The following FSTL5 variants were observed in gnomAD, a reference collection of about 807,000 sequenced individuals.
FSTL5 encodes the protein follistatin-related protein 5.
A neutral mutation model predicts 89.1 loss-of-function variants in FSTL5; 62 were observed. The observed-to-expected ratio is 0.70, with a 90% CI of 0.57 to 0.86. The LOEUF (loss-of-function observed/expected upper bound fraction) is 0.86. Ranked by LOEUF, FSTL5 falls within the 40% of genes least tolerant of loss-of-function variation. The probability of loss-of-function intolerance (pLI) is 0.00; values close to 1 mark genes in which losing one functional copy is unlikely to be tolerated. For missense variants in FSTL5, 1,057 were observed against 1,001.6 expected (o/e 1.06, Z -0.75); for synonymous variants, 383 against 346.2 (o/e 1.11, Z -1.18).
intron 3 of FSTL5, among the ~76,000 whole-genome samples, chr4:161,922,066 T>C (rs957014840): frequency 2.0e-5 from 3 of 152,032 alleles, no homozygotes; most frequent in Non-Finnish European, 4.4e-5. Context: ...ATTAGCAAAA[T>C]TAAAATTACA....
At chr4:162,141,916 A>G (rs7376042) in intron 1 of FSTL5, among the ~76,000 whole-genome samples, 1 of 116,438 alleles carries the variant, frequency 8.6e-6, no homozygotes, top group Non-Finnish European at 2.0e-5. Context: ...CAGGTAGAAA[A>G]AAGTGTACAC....
At chr4:161,850,521 G>T (rs901334361) in intron 4 of FSTL5, among the ~76,000 whole-genome samples, 1 of 152,062 alleles carries the variant, frequency 6.6e-6, no homozygotes, top group Non-Finnish European at 1.5e-5. Flanking sequence ...GGGCAAAGAG[G>T]GTGGGTTAGC....
intron 8 of FSTL5, among the ~76,000 whole-genome samples, chr4:161,579,874 T>C (rs1733372888): frequency 6.6e-6 from 1 of 152,148 alleles, no homozygotes; most frequent in African/African-American, 2.4e-5. Context: ...AAGGACTTCT[T>C]TCCCTGAAAG....
At chr4:162,072,126 G>A (rs982942012) in intron 2 of FSTL5, among the ~76,000 whole-genome samples, 3 of 151,614 alleles carry the variant, frequency 2.0e-5, no homozygotes, top group African/African-American at 7.3e-5. Context: ...AAATCAAATG[G>A]CAGGCATATA....
At position 161,585,292 on chromosome 4, in the gene FSTL5, G is replaced by T. The variant is rs1286019468; in HGVS notation, c.1015+2163C>A. On this transcript the variant is annotated intron_variant, in intron 8 of 15. Coordinates refer to ENST00000306100, the MANE Select transcript of FSTL5 (RefSeq NM_020116.5). ...AATGAAGAGCAGCAGCTCCTGAAGA[G>T]CAGCCGTTTAGAATAGTTGTCACAC... is the stretch of plus-strand genomic sequence containing the variant. Among the ~76,000 whole-genome samples, 3 of 152,166 alleles carry T rather than the reference G, an allele frequency of 2.0e-5. No homozygotes were observed. The East Asian group carries it at 5.8e-4, about 29-fold the overall frequency.
intron 15 of FSTL5, among the ~76,000 whole-genome samples, chr4:161,397,944 T>C (rs1483305417): frequency 6.6e-6 from 1 of 151,906 alleles, no homozygotes; most frequent in East Asian, 1.9e-4. Context: ...GTAAATTAAA[T>C]CCCTAAAAAG....
intron 3 of FSTL5, among the ~76,000 whole-genome samples, chr4:161,976,761 G>A (rs1017470535): frequency 1.3e-5 from 2 of 152,096 alleles, no homozygotes; most frequent in Non-Finnish European, 2.9e-5. Context: ...GATTACAGGC[G>A]TGAGCCATCG....
At chr4:161,506,520 C>T (rs1221437679) in intron 11 of FSTL5, among the ~76,000 whole-genome samples, 1 of 151,900 alleles carries the variant, frequency 6.6e-6, no homozygotes, top group Admixed American at 6.6e-5. Context: ...TTGGTTGAAC[C>T]CATCTCCTGA....
intron 3 of FSTL5, among the ~76,000 whole-genome samples, chr4:161,925,321 A>T (rs1485824856): frequency 6.6e-6 from 1 of 151,960 alleles, no homozygotes; most frequent in Non-Finnish European, 1.5e-5. Flanking sequence ...TTTGACTTTG[A>T]CTTTCTAAAT....
chr4:161,463,319 A>T (rs1733642107), intron 13 of FSTL5, among the ~76,000 whole-genome samples: 1 of 152,208 alleles, frequency 6.6e-6, no homozygotes, highest in Admixed American at 6.5e-5. Flanking sequence ...ACTGAAAAAG[A>T]TATGCAGATC....
At chr4:161,880,802 A>T (rs1337756915) in intron 4 of FSTL5, among the ~76,000 whole-genome samples, 2 of 152,162 alleles carry the variant, frequency 1.3e-5, no homozygotes, top group Non-Finnish European at 2.9e-5. Flanking sequence ...AAATGGCCCC[A>T]TACTGTAGGA....
At chr4:162,152,996 T>C (rs942916463) in intron 1 of FSTL5, among the ~76,000 whole-genome samples, 1 of 152,160 alleles carries the variant, frequency 6.6e-6, no homozygotes, top group Admixed American at 6.5e-5. Flanking sequence ...TTCCGGTTTT[T>C]GCCAACAATT....
chr4:161,886,739 AG>A (rs1307602132), intron 4 of FSTL5, among the ~76,000 whole-genome samples: 3 of 152,190 alleles, frequency 2.0e-5, no homozygotes, highest in Non-Finnish European at 4.4e-5. Context: ...AAGGTCCACC[AG>A]GTTTGTAATA....
intron 15 of FSTL5, chr4:161,386,779 A>G: frequency 5.0e-6 from 1 of 201,916 alleles, no homozygotes; most frequent in Non-Finnish European, 1.0e-5. Context: ...TCTCTAGACC[A>G]TGTAATATTA....
Position 161,858,113 on chromosome 4 carries a change from A to G in FSTL5, c.409+62291T>C, listed in dbSNP as rs571962124. 4.5e-4 allele frequency among the ~76,000 whole-genome samples: 69 copies of G among 152,198 alleles called. No homozygotes were observed. The South Asian group carries it at 0.014, about 30-fold the overall frequency. ...TGAGACAAGAACCCTCACGGACAGG[A>G]TGAGGGCCCTTATATTAATAAAAGA... On this transcript the variant is annotated intron_variant, in intron 4 of 15. Coordinates refer to ENST00000306100, the MANE Select transcript of FSTL5 (RefSeq NM_020116.5).
At chr4:161,807,247 G>A (rs1335504688) in intron 4 of FSTL5, among the ~76,000 whole-genome samples, 1 of 142,200 alleles carries the variant, frequency 7.0e-6, no homozygotes, top group South Asian at 2.2e-4. Flanking sequence ...TTGTAGAGAT[G>A]CAGAGATGGG....
At chr4:161,983,648 AAAGG>A (rs1735886472) in intron 3 of FSTL5, among the ~76,000 whole-genome samples, 1 of 152,200 alleles carries the variant, frequency 6.6e-6, no homozygotes, top group East Asian at 1.9e-4. Context: ...TGAAAATGAC[AAAGG>A]AAGGATTAAA....
chr4:161,674,435 C>T lies in FSTL5; in HGVS notation c.728-17941G>A, dbSNP rs556581000. Among the ~76,000 whole-genome samples the T allele has an allele frequency of 7.9e-5, 12 of 152,248 alleles. No individual in the cohort carries two copies. The South Asian group carries it at 2.3e-3, about 29-fold the overall frequency. ...ACATCACCCATTGGTTTCTTTTCCT[C>T]ATTGCTGCCCTGGTCTTTGATGTGA... On this transcript the variant is annotated intron_variant, in intron 6 of 15. Transcript: ENST00000306100.
intron 10 of FSTL5, among the ~76,000 whole-genome samples, chr4:161,518,016 T>C (rs1373447065): frequency 1.3e-5 from 2 of 152,230 alleles, no homozygotes; most frequent in Non-Finnish European, 2.9e-5. Context: ...ACTAAGACTT[T>C]AACCTATGCT....
Sources: gnomAD v4.1 joint callset for allele counts (sites outside exome capture counted in the v4.1 genomes callset) on GRCh38, gnomAD v4.1.1 for gene constraint, MANE v1.5 for transcripts, NCBI Gene and HGNC (gene_info 2026-07-23, HGNC 2026-07-21) for gene names.